The following ASCC3 variants were observed in gnomAD, a reference collection of about 807,000 sequenced individuals.
The protein encoded by ASCC3 is activating signal cointegrator 1 complex subunit 3.
ASCC3 carries 158 observed loss-of-function variants against 256.3 expected under a neutral mutation model. That is an observed-to-expected ratio of 0.62 (90% CI 0.54 to 0.70). The LOEUF (loss-of-function observed/expected upper bound fraction) is 0.70, where lower values mean the gene tolerates loss of function less well. ASCC3 is among the 30% of genes least tolerant of loss of function. ASCC3 has a pLI of 0.00. For missense variants in ASCC3, 2,259 were observed against 2,626.0 expected (o/e 0.86, Z 3.05); for synonymous variants, 948 against 883.4 (o/e 1.07, Z -1.30).
At chr6:100,512,625 A>C in intron 40 of ASCC3, 84 bp downstream of exon 40, 1 of 1,332,830 alleles carries the variant, frequency 7.5e-7, no homozygotes, top group Non-Finnish European at 1.1e-6. Context: ...TGACACGGGC[A>C]CATTAGTCAC....
intron 34 of ASCC3, among the ~76,000 whole-genome samples, chr6:100,594,551 A>G (rs995857829): frequency 6.6e-6 from 1 of 152,154 alleles, no homozygotes; most frequent in African/African-American, 2.4e-5. Context: ...AAGAATGTGG[A>G]GAAAGGGGAA....
intron 17 of ASCC3, among the ~76,000 whole-genome samples, chr6:100,655,459 G>A (rs1452015330): frequency 1.3e-5 from 2 of 151,722 alleles, no homozygotes; most frequent in Non-Finnish European, 3.0e-5. Context: ...AAATATACCT[G>A]AATACATGGA....
intron 14 of ASCC3, among the ~76,000 whole-genome samples, chr6:100,667,393 G>GA (rs1013602749): frequency 6.6e-5 from 10 of 152,088 alleles, no homozygotes; most frequent in Admixed American, 2.0e-4. Flanking sequence ...AATTAAGCTA[G>GA]AAAAAAGGAT....
chr6:100,772,159 G>A (rs1781967872), intron 8 of ASCC3, among the ~76,000 whole-genome samples: 1 of 152,072 alleles, frequency 6.6e-6, no homozygotes, highest in African/African-American at 2.4e-5. Context: ...GGGATTACAG[G>A]CATGAGCCAC....
In ASCC3 at chr6:100,644,044, G is replaced by C. The variant is rs1300348691; in HGVS notation, c.3719C>G (p.Ala1240Gly). 1 of 1,609,740 alleles carries C rather than the reference G, an allele frequency of 6.2e-7. No homozygotes were observed. ...DHIYHSEYFLALKKQVISKEA... is the reference protein window; with the variant it reads ...DHIYHSEYFLGLKKQVISKEA... Reference sequence around the variant, plus strand: ...ATATACACTTACTTGTTTTTTTAGAGCTAGAAAATACTCTGAATGATAAAT... The same window carrying C: ...ATATACACTTACTTGTTTTTTTAGACCTAGAAAATACTCTGAATGATAAAT... The change falls in exon 23 of 42, where the codon GCT becomes GGT. Residue 1240 changes from alanine (A) to glycine (G), a missense_variant. Transcript: ENST00000369162.
chr6:100,700,972 T>A (rs1778326153), intron 13 of ASCC3, among the ~76,000 whole-genome samples: 1 of 152,194 alleles, frequency 6.6e-6, no homozygotes, highest in African/African-American at 2.4e-5. Flanking sequence ...TGATTGGTTT[T>A]GAAATGTGAG....
intron 36 of ASCC3, among the ~76,000 whole-genome samples, chr6:100,567,453 C>T (rs969596349): frequency 5.3e-5 from 8 of 152,126 alleles, no homozygotes; most frequent in South Asian, 2.1e-4. Flanking sequence ...TGGGTACATA[C>T]GCACGTTTGT....
chr6:100,540,431 T>TCTTG, intron 36 of ASCC3, 44 bp from the exon 37 acceptor site: 2 of 1,464,110 alleles, frequency 1.4e-6, no homozygotes, highest in South Asian at 2.3e-5. Flanking sequence ...CAAAGTATAA[T>TCTTG]AATTAATGTA....
rs17061023 is a variant in ASCC3 at position 100,709,819 on chromosome 6, G to A, written c.2151+5643C>T. On this transcript the variant is annotated intron_variant, in intron 13 of 41. Transcript: ENST00000369162. ...AATGGATAAAAGACTAATGGAAAAT[G>A]TATAAAACTGCAATTACAATGTTAA... is the stretch of plus-strand genomic sequence containing the variant. Among the ~76,000 whole-genome samples the A allele has an allele frequency of 0.013, 1,948 of 152,150 alleles. 100 individuals are homozygous for A. In the East Asian group the frequency reaches 0.15, roughly 11 times the overall value.
At position 100,516,412 on chromosome 6, in the gene ASCC3, CTTTT is replaced by C; in HGVS notation, c.5928-89_5928-86del. ...ACAATGGTGGTTTATATAATTATAG[CTTTT>C]TTTGTTTTAATTAAGAAATAACATT... is the stretch of plus-strand genomic sequence containing the variant. On this transcript the variant is annotated intron_variant, in intron 38 of 41. Coordinates refer to ENST00000369162, the MANE Select transcript of ASCC3 (RefSeq NM_006828.4). 9.3e-6 allele frequency: 14 copies of C among 1,501,372 alleles called. No individual in the cohort carries two copies. In the Middle Eastern group the frequency reaches 5.3e-4, roughly 57 times the overall value. The allele number at this position is 1,501,372 out of a possible 1,614,324, so 93.0% of individuals were successfully genotyped here. A position where few individuals can be genotyped will look rare whatever the true frequency, so the allele number is the denominator to read the frequency against.
rs1286776698 is a variant in ASCC3 at position 100,607,141 on chromosome 6, A to G, written c.4786-53T>C. Reference sequence around the variant, plus strand: ...GTAGATGCATAACTTTAAAATTTTCATTAATTTTTCATGTTTCAAAAAACA... The same window carrying G: ...GTAGATGCATAACTTTAAAATTTTCGTTAATTTTTCATGTTTCAAAAAACA... On this transcript the variant is annotated intron_variant, in intron 30 of 41. Transcript: ENST00000369162. The G allele has an allele frequency of 3.8e-6, 6 of 1,571,236 alleles. No homozygotes were observed. In the Admixed American group the frequency reaches 1.0e-4, roughly 27 times the overall value.
chr6:100,686,705 C>G (rs1777583095), intron 13 of ASCC3, among the ~76,000 whole-genome samples: 1 of 151,876 alleles, frequency 6.6e-6, no homozygotes, highest in Admixed American at 6.6e-5. Context: ...GAGTATAACT[C>G]TGTACACAAG....
At chr6:100,770,274 T>C (rs1261207257) in intron 8 of ASCC3, among the ~76,000 whole-genome samples, 1 of 152,006 alleles carries the variant, frequency 6.6e-6, no homozygotes, top group Non-Finnish European at 1.5e-5. Flanking sequence ...TTATTATTTT[T>C]TTGGTCTTAA....
At chr6:100,642,055 C>G (rs1415151879) in intron 24 of ASCC3, among the ~76,000 whole-genome samples, 1 of 151,198 alleles carries the variant, frequency 6.6e-6, no homozygotes, top group African/African-American at 2.4e-5. Context: ...GGTGATATAC[C>G]TAATGTTAAA....
chr6:100,690,107 C>T (rs1194926709), intron 13 of ASCC3, among the ~76,000 whole-genome samples: 1 of 151,992 alleles, frequency 6.6e-6, no homozygotes, highest in Non-Finnish European at 1.5e-5. Flanking sequence ...TTGTGGATAC[C>T]AAATGCTTAA....
At chr6:100,809,625 C>A (rs1224747286) in intron 4 of ASCC3, among the ~76,000 whole-genome samples, 8 of 152,030 alleles carry the variant, frequency 5.3e-5, no homozygotes, top group African/African-American at 1.9e-4. Flanking sequence ...TAAACAAAAT[C>A]TTGTAGAGTA....
intron 25 of ASCC3, among the ~76,000 whole-genome samples, chr6:100,633,482 A>G (rs1774661280): frequency 6.6e-6 from 1 of 152,158 alleles, no homozygotes; most frequent in Admixed American, 6.6e-5. Flanking sequence ...TTGACTTAAT[A>G]AAAGAAAAAA....
At chr6:100,723,876 A>ATATATTTATAAT (rs1779471259) in intron 11 of ASCC3, among the ~76,000 whole-genome samples, 1 of 131,198 alleles carries the variant, frequency 7.6e-6, no homozygotes, top group Non-Finnish European at 1.6e-5. Context: ...ATATATATAT[A>ATATATTTATAAT]TATATATATA....
Position 100,767,157 on chromosome 6 carries a change from CT to C in ASCC3, c.1583del (p.Lys528ArgfsTer12). Reference protein sequence around the residue: ...RQHFQQGVIKKNEFKIVYVAP... With the variant: ...RQHFQQGVIKXNEFKIVYVAP... The stretch of plus-strand genomic sequence containing the variant: ...TTTATTTACTTACCTTAAATTCATT[CT>C]TTTTGATAACACCTTGTTGAAAATG... On this transcript the variant is annotated frameshift_variant, in exon 9 of 42. Coordinates refer to ENST00000369162, the MANE Select transcript of ASCC3 (RefSeq NM_006828.4). LOFTEE classifies it high-confidence loss of function. The C allele has an allele frequency of 6.2e-7, 1 of 1,613,944 alleles. No homozygotes were observed. The highest frequency in any genetic ancestry group is 8.5e-7 in the Non-Finnish European group (1 of 1,179,896).
Sources: gnomAD v4.1 joint callset for allele counts (sites outside exome capture counted in the v4.1 genomes callset) on GRCh38, gnomAD v4.1.1 for gene constraint, MANE v1.5 for transcripts, NCBI Gene and HGNC (gene_info 2026-07-23, HGNC 2026-07-21) for gene names.